Variants in KLHL15 observed in about 807,000 individuals in gnomAD.
The protein encoded by KLHL15 is kelch like family member 15.
Under a neutral mutation model 29.3 loss-of-function variants are expected in KLHL15, and 1 was observed. That is an observed-to-expected ratio of 0.03 (90% CI 0.01 to 0.16). The LOEUF is 0.16. KLHL15 is among the 10% of genes least tolerant of loss of function. The probability of loss-of-function intolerance (pLI) is 1.00; values close to 1 mark genes in which losing one functional copy is unlikely to be tolerated. For missense variants in KLHL15, 215 were observed against 478.5 expected (o/e 0.45, Z 5.14); for synonymous variants, 212 against 184.5 (o/e 1.15, Z -1.21).
At position 24,022,146 on chromosome X, in the gene KLHL15, C is replaced by T. The variant is rs769714606; in HGVS notation, c.-8+2711G>A. Among the ~76,000 whole-genome samples the T allele has an allele frequency of 2.7e-5, 3 of 109,814 alleles. No homozygotes were observed. In the South Asian group the frequency reaches 1.2e-3, roughly 43 times the overall value. ...TTGAAGTCAGTCGAGACCAGCCTGG[C>T]TAACATGGTGAAACCCCGTGTCTAC... On this transcript the variant is annotated intron_variant, in intron 2 of 3. Transcript: ENST00000328046.
intron 2 of KLHL15, among the ~76,000 whole-genome samples, chrX:24,013,581 G>C (rs778683962): frequency 9.0e-6 from 1 of 111,437 alleles, no homozygotes; most frequent in Admixed American, 9.6e-5. Context: ...ATTTTTAAAG[G>C]TAAAATTAAT....
chrX:24,025,328 G>T (rs1414954779), intron 1 of KLHL15, among the ~76,000 whole-genome samples: 1 of 109,307 alleles, frequency 9.1e-6, no homozygotes, highest in Admixed American at 9.5e-5. Context: ...ACCCACGCCG[G>T]GGGTGGAGGA....
intron 3 of KLHL15, among the ~76,000 whole-genome samples, chrX:24,001,344 C>A (rs1353512086): frequency 4.5e-5 from 5 of 111,206 alleles, no homozygotes; most frequent in Admixed American, 9.7e-5. Flanking sequence ...AATACAATTT[C>A]TAAGGGGATC....
intron 2 of KLHL15, among the ~76,000 whole-genome samples, chrX:24,011,551 C>T (rs189758879): frequency 5.4e-5 from 6 of 111,609 alleles, no homozygotes; most frequent in South Asian, 3.7e-4. Flanking sequence ...GGCTGAGGCA[C>T]GAGAATTGCT....
chrX:24,008,925 C>G (rs1208667551), intron 2 of KLHL15, among the ~76,000 whole-genome samples: 2 of 110,032 alleles, frequency 1.8e-5, no homozygotes, highest in Non-Finnish European at 3.8e-5. Context: ...GCCCTACTTT[C>G]CAAGTCTTCT....
rs1601995307 is a variant in KLHL15, at chrX:23,989,004, G to A, written c.732C>T (p.Tyr244=). 1.7e-6 allele frequency: 2 copies of A among 1,205,170 alleles called. No homozygotes were observed. The highest frequency in any genetic ancestry group is 5.9e-5 in the East Asian group (2 of 33,803). Residue 244 remains tyrosine (Y), a synonymous_variant, in exon 4 of 4, where the codon TAC becomes TAT. Coordinates refer to ENST00000328046, the MANE Select transcript of KLHL15 (RefSeq NM_030624.3). ...CAACTTCGTAACGGAGCTGTCGGGA[G>A]TATCTATAAAATTCTGATGTCTTAA... is the stretch of plus-strand genomic sequence containing the variant. ...EKVKTSEFYR[Y]SRQLRYEVDQ...
chrX:23,991,669 A>G (rs748292120), intron 3 of KLHL15, among the ~76,000 whole-genome samples: 62 of 111,198 alleles, frequency 5.6e-4, no homozygotes, highest in Non-Finnish European at 1.1e-3. Context: ...GTGAAACCCC[A>G]TCTCTACTAA....
intron 2 of KLHL15, among the ~76,000 whole-genome samples, chrX:24,017,487 A>G (rs746036751): frequency 9.0e-6 from 1 of 110,665 alleles, no homozygotes; most frequent in African/African-American, 3.3e-5. Context: ...ATGCAGATTT[A>G]TAACAGATCA....
chrX:24,010,788 A>T lies in KLHL15; in HGVS notation c.-7-4088T>A, dbSNP rs761603069. ...CCTCCAGAGAAGCAGCGGACACTAC[A>T]GTCAACTGCTGTCACTTGCTCTACA... On this transcript the variant is annotated intron_variant, in intron 2 of 3. Coordinates refer to ENST00000328046, the MANE Select transcript of KLHL15 (RefSeq NM_030624.3). 6.3e-4 allele frequency among the ~76,000 whole-genome samples: 70 copies of T among 110,356 alleles called. No individual in the cohort carries two copies. The East Asian group carries it at 0.019, about 30-fold the overall frequency.
rs773685601 is a variant in KLHL15 at position 24,002,001 on chromosome X, C to T, written c.705+3988G>A. ...ACAAAAACTTAGCCGGGCGTGGTGGCGGGCGCCTGTAGTCCCAGCTACTCG... is the reference window on the plus strand; with the variant it reads ...ACAAAAACTTAGCCGGGCGTGGTGGTGGGCGCCTGTAGTCCCAGCTACTCG... On this transcript the variant is annotated intron_variant, in intron 3 of 3. Coordinates refer to ENST00000328046, the MANE Select transcript of KLHL15 (RefSeq NM_030624.3). 4.5e-3 allele frequency among the ~76,000 whole-genome samples: 485 copies of T among 107,079 alleles called. 6 individuals carry two copies. Among genetic ancestry groups the T allele is most frequent in the Middle Eastern group, 0.024 (5 of 212 alleles). The allele number at this position is 107,079 out of a possible 115,157, so 93.0% of individuals were successfully genotyped here. A position where few individuals can be genotyped will look rare whatever the true frequency, so the allele number is the denominator to read the frequency against.
intron 3 of KLHL15, among the ~76,000 whole-genome samples, chrX:23,993,084 G>A (rs756695842): frequency 4.9e-4 from 55 of 112,011 alleles, no homozygotes; most frequent in African/African-American, 1.5e-3. Context: ...CTAATCTGAG[G>A]ATTAAATACA....
chrX:24,011,435 G>A (rs891246977), intron 2 of KLHL15, among the ~76,000 whole-genome samples: 1 of 111,176 alleles, frequency 9.0e-6, no homozygotes, highest in Non-Finnish European at 1.9e-5. Flanking sequence ...CACGAAGTCA[G>A]GAGTTCCAGG....
intron 3 of KLHL15, among the ~76,000 whole-genome samples, chrX:23,989,735 A>T (rs1929044495): frequency 3.6e-5 from 4 of 111,293 alleles, no homozygotes; most frequent in Non-Finnish European, 5.6e-5. Flanking sequence ...TGACATAAAG[A>T]CTTGGTCTGA....
chrX:24,011,241 C>G (rs772469473), intron 2 of KLHL15, among the ~76,000 whole-genome samples: 8 of 107,898 alleles, frequency 7.4e-5, no homozygotes, highest in African/African-American at 2.7e-4. Flanking sequence ...CATGGTGGCT[C>G]ATGCCTATAA....
chrX:24,026,256 G>A (rs1929931864), intron 1 of KLHL15, among the ~76,000 whole-genome samples: 2 of 112,129 alleles, frequency 1.8e-5, no homozygotes, highest in African/African-American at 3.2e-5. Flanking sequence ...ACCACCCGGA[G>A]ATAATGCCGG....
intron 2 of KLHL15, among the ~76,000 whole-genome samples, chrX:24,012,245 C>T (rs1929590246): frequency 8.9e-6 from 1 of 112,501 alleles, no homozygotes; most frequent in South Asian, 3.6e-4. Flanking sequence ...AATCTATTTC[C>T]AATGAAAGTG....
intron 2 of KLHL15, among the ~76,000 whole-genome samples, chrX:24,015,248 T>A (rs1383124805): frequency 8.9e-6 from 1 of 112,249 alleles, no homozygotes; most frequent in African/African-American, 3.2e-5. Flanking sequence ...ACATGATCTC[T>A]AAAATATTTT....
At chrX:24,015,214 C>T (rs1291817158) in intron 2 of KLHL15, among the ~76,000 whole-genome samples, 2 of 112,193 alleles carry the variant, frequency 1.8e-5, no homozygotes, top group African/African-American at 6.5e-5. Flanking sequence ...CTTCTCTCTG[C>T]ATCTGTAAAA....
chrX:24,005,444 G>A (rs967666438), intron 3 of KLHL15, among the ~76,000 whole-genome samples: 1 of 111,512 alleles, frequency 9.0e-6, no homozygotes, highest in East Asian at 2.8e-4. Flanking sequence ...ACAGTAAAAC[G>A]GGGAAAACCA....
Sources: allele counts gnomAD v4.1 joint callset (sites outside exome capture counted in the v4.1 genomes callset), GRCh38; gene constraint gnomAD v4.1.1; transcripts MANE v1.5; gene names NCBI Gene and HGNC (gene_info 2026-07-23, HGNC 2026-07-21).